Variants in NOL4L observed in about 807,000 individuals in gnomAD.
NOL4L encodes nucleolar protein 4-like.
Under a neutral mutation model 64.5 loss-of-function variants are expected in NOL4L, and 7 were observed. The ratio of observed to expected loss-of-function variants is 0.11; its 90% CI spans 0.06 to 0.20. NOL4L has a LOEUF of 0.20. Among genes scored for constraint, NOL4L ranks in the 10% least tolerant of loss-of-function variants. The pLI, the probability that NOL4L is intolerant of heterozygous loss-of-function variation, is 1.00. For synonymous variants in NOL4L, 413 were observed against 401.0 expected, an observed-to-expected ratio of 1.03 and a Z score of -0.36; for missense variants, 680 against 967.1, an observed-to-expected ratio of 0.70 and a Z score of 3.94.
At chr20:32,577,588 G>A (rs1175599871) in intron 1 of NOL4L, among the ~76,000 whole-genome samples, 1 of 152,218 alleles carries the variant, frequency 6.6e-6, no homozygotes, top group East Asian at 1.9e-4. Context: ...CCCACTGCCT[G>A]TAAGCCCAAC....
chr20:32,470,024 C>G (rs962744379), intron 5 of NOL4L, among the ~76,000 whole-genome samples: 8 of 152,256 alleles, frequency 5.3e-5, no homozygotes, highest in Non-Finnish European at 1.5e-5. Context: ...GCGCACACAC[C>G]AGGCCCTGAC....
Position 32,446,846 on chromosome 20 carries a change from C to CATTAAAAAA in NOL4L, c.*749_*750insTTTTTTAAT. 1 of 222,338 alleles carries CATTAAAAAA rather than the reference C, an allele frequency of 4.5e-6. No homozygotes were observed. The highest frequency in any genetic ancestry group is 9.0e-6 in the Non-Finnish European group (1 of 110,884). 13.8% of individuals were successfully genotyped at this position (222,338 alleles called of 1,614,324 possible). A position where few individuals can be genotyped will look rare whatever the true frequency, so the allele number is the denominator to read the frequency against. On this transcript the variant is annotated 3_prime_UTR_variant, in exon 11 of 11. Coordinates refer to ENST00000621426, the MANE Select transcript of NOL4L (RefSeq NM_001256798.2). ...GACTGGGGCTTCTGTAGAATGGGGT[C>CATTAAAAAA]GGGGTGCCTCTTTTGTTTTGCTTTG...
chr20:32,559,538 T>G (rs1978867376), intron 1 of NOL4L, among the ~76,000 whole-genome samples: 1 of 152,166 alleles, frequency 6.6e-6, no homozygotes, highest in Non-Finnish European at 1.5e-5. Context: ...TCGGAGCACT[T>G]GAGGTAGGAA....
intron 1 of NOL4L, among the ~76,000 whole-genome samples, chr20:32,554,057 A>C (rs1021560323): frequency 5.3e-5 from 8 of 152,204 alleles, no homozygotes; most frequent in Middle Eastern, 3.2e-3. Flanking sequence ...GCGGTGGCTC[A>C]CACCTGTAAT....
intron 5 of NOL4L, among the ~76,000 whole-genome samples, chr20:32,472,484 A>G (rs567257922): frequency 2.6e-5 from 4 of 152,144 alleles, no homozygotes; most frequent in Non-Finnish European, 5.9e-5. Flanking sequence ...TCCTGCGTCA[A>G]TAACAGGGGC....
At chr20:32,487,483 A>T (rs561493268) in intron 4 of NOL4L, among the ~76,000 whole-genome samples, 1 of 152,214 alleles carries the variant, frequency 6.6e-6, no homozygotes, top group East Asian at 1.9e-4. Context: ...CAGAGGGCAG[A>T]AGTTGACAGC....
At chr20:32,569,096 T>A (rs1349336610) in intron 1 of NOL4L, among the ~76,000 whole-genome samples, 1 of 152,158 alleles carries the variant, frequency 6.6e-6, no homozygotes, top group African/African-American at 2.4e-5. Context: ...AACACAGCTT[T>A]GTCAGATGTT....
At chr20:32,568,255 A>G (rs1458969288) in intron 1 of NOL4L, among the ~76,000 whole-genome samples, 1 of 152,184 alleles carries the variant, frequency 6.6e-6, no homozygotes, top group Admixed American at 6.5e-5. Context: ...GGCAAGAACC[A>G]CATCTATGGG....
intron 1 of NOL4L, among the ~76,000 whole-genome samples, chr20:32,543,254 C>T (rs761084274): frequency 6.6e-6 from 1 of 152,128 alleles, no homozygotes; most frequent in Non-Finnish European, 1.5e-5. Flanking sequence ...GGATGCGTGG[C>T]ACTTCTGCCA....
chr20:32,476,459 C>T (rs1361184840), intron 4 of NOL4L, among the ~76,000 whole-genome samples: 1 of 152,198 alleles, frequency 6.6e-6, no homozygotes, highest in East Asian at 1.9e-4. Flanking sequence ...TGCATGGGCC[C>T]CTTGCTACTT....
At chr20:32,483,321 G>A in intron 4 of NOL4L, 5 of 975,100 alleles carry the variant, frequency 5.1e-6, no homozygotes, top group Non-Finnish European at 6.1e-6. Context: ...CCCGGGCCCC[G>A]GAAACGGCCC....
At chr20:32,456,065 CT>C in intron 6 of NOL4L, 52 bp downstream of exon 6, 1 of 1,447,194 alleles carries the variant, frequency 6.9e-7, no homozygotes, top group South Asian at 1.5e-5. Context: ...TCATTCTCGC[CT>C]CGCGACAGCC....
At position 32,464,697 on chromosome 20, in the gene NOL4L, G is replaced by C; in HGVS notation, c.842-8302C>G. Reference sequence around the variant, plus strand: ...CTCACAGTCGGGAGCAGCACTGTCCGACAGAAACAGAGTGGGAGCCGCATG... The same window carrying C: ...CTCACAGTCGGGAGCAGCACTGTCCCACAGAAACAGAGTGGGAGCCGCATG... On this transcript the variant is annotated intron_variant, in intron 5 of 10. Transcript: ENST00000621426. This position sits in a 1 kb window ranked among gnomAD's most constrained non-coding sequence, Gnocchi z 5.6. The C allele has an allele frequency of 4.0e-6, 1 of 250,790 alleles. No homozygotes were observed. Among genetic ancestry groups the C allele is most frequent in the Admixed American group, 5.5e-5 (1 of 18,182 alleles). 15.5% of individuals were successfully genotyped at this position (250,790 alleles called of 1,614,324 possible).
At chr20:32,506,688 C>T (rs552313608) in intron 4 of NOL4L, among the ~76,000 whole-genome samples, 1 of 152,204 alleles carries the variant, frequency 6.6e-6, no homozygotes, top group Admixed American at 6.5e-5. Context: ...TAAGCCAGTG[C>T]CTCTGAACTT....
intron 1 of NOL4L, among the ~76,000 whole-genome samples, chr20:32,564,484 T>C (rs576037601): frequency 3.3e-5 from 5 of 152,326 alleles, no homozygotes; most frequent in African/African-American, 1.2e-4. Context: ...CCCATCTCGC[T>C]GCTGAGCTTG....
chr20:32,455,606 C>G (rs936116538), intron 6 of NOL4L, among the ~76,000 whole-genome samples: 1 of 152,158 alleles, frequency 6.6e-6, no homozygotes, highest in Non-Finnish European at 1.5e-5. Context: ...GGGGGATGCC[C>G]ACTGGTAGGG....
At chr20:32,518,926 G>A (rs950514920) in intron 3 of NOL4L, among the ~76,000 whole-genome samples, 1 of 152,230 alleles carries the variant, frequency 6.6e-6, no homozygotes, top group African/African-American at 2.4e-5. Context: ...CATGCATCGA[G>A]GGAGTGTCCA....
chr20:32,450,584 C>T (rs946488709), intron 10 of NOL4L, among the ~76,000 whole-genome samples: 4 of 152,170 alleles, frequency 2.6e-5, no homozygotes, highest in African/African-American at 7.2e-5. Flanking sequence ...CAGGTGTGAA[C>T]GGGCAGGCAT....
chr20:32,475,638 G>A (rs958773280), intron 4 of NOL4L, among the ~76,000 whole-genome samples: 4 of 152,274 alleles, frequency 2.6e-5, no homozygotes, highest in African/African-American at 9.6e-5. Context: ...GTGCCTGGGA[G>A]CTGGCTGTAA....
Sources: allele counts gnomAD v4.1 joint callset (sites outside exome capture counted in the v4.1 genomes callset), GRCh38; gene constraint gnomAD v4.1.1; non-coding constraint Gnocchi (gnomAD v3.1); transcripts MANE v1.5; gene names NCBI Gene and HGNC (gene_info 2026-07-23, HGNC 2026-07-21).